Variants in LRRC4C observed in about 807,000 individuals in gnomAD.
LRRC4C encodes the protein leucine rich repeat containing 4C, also known as leucine-rich repeat-containing protein 4C.
A neutral mutation model predicts 33.6 loss-of-function variants in LRRC4C; 5 were observed. That is an observed-to-expected ratio of 0.15 (90% CI 0.08 to 0.31). The LOEUF (loss-of-function observed/expected upper bound fraction) is 0.31. Among genes scored for constraint, LRRC4C ranks in the 10% least tolerant of loss-of-function variants. LRRC4C has a pLI of 1.00. For synonymous variants in LRRC4C, 329 were observed against 302.0 expected (o/e 1.09, Z -0.93); for missense variants, 560 against 796.7 (o/e 0.70, Z 3.58).
At position 41,167,240 on chromosome 11, in the gene LRRC4C, G is replaced by C. The variant is rs552187569; in HGVS notation, c.-495-233517C>G. On this transcript the variant is annotated intron_variant, in intron 1 of 6. Transcript: ENST00000528697. The stretch of plus-strand genomic sequence containing the variant: ...AGTGTAGAAGGTTGCTGGTATGCTT[G>C]AGTTGAAAACAAAACACTTTCCCAG... 3.0e-4 allele frequency among the ~76,000 whole-genome samples: 46 copies of C among 152,206 alleles called. No individual in the cohort carries two copies. In the South Asian group the frequency reaches 7.5e-3, roughly 25 times the overall value.
rs559255358 is a variant in LRRC4C at position 40,393,778 on chromosome 11, T to C, written c.-269-74057A>G. Among the ~76,000 whole-genome samples, 8 of 152,262 alleles carry C rather than the reference T, an allele frequency of 5.3e-5. No homozygotes were observed. The East Asian group carries it at 1.5e-3, about 29-fold the overall frequency. The stretch of plus-strand genomic sequence containing the variant: ...CACAAACAATTGGAATTACATGACA[T>C]CAGGGCTATGCCTTTTGTCCCCTAA... On this transcript the variant is annotated intron_variant, in intron 3 of 6. Coordinates refer to ENST00000528697, the MANE Select transcript of LRRC4C (RefSeq NM_001258419.2).
chr11:40,780,840 A>G (rs982679978), intron 2 of LRRC4C, among the ~76,000 whole-genome samples: 13 of 151,922 alleles, frequency 8.6e-5, no homozygotes, highest in African/African-American at 3.1e-4. Context: ...TTGCCAGGAG[A>G]ATCTTATGCA....
At chr11:40,453,665 A>C (rs985145073) in intron 3 of LRRC4C, among the ~76,000 whole-genome samples, 1 of 152,040 alleles carries the variant, frequency 6.6e-6, no homozygotes, top group African/African-American at 2.4e-5. Context: ...TAAAGATATA[A>C]AAATTATCAG....
At chr11:40,687,768 C>T (rs547836133) in intron 2 of LRRC4C, among the ~76,000 whole-genome samples, 4 of 151,982 alleles carry the variant, frequency 2.6e-5, no homozygotes, top group Non-Finnish European at 5.9e-5. Context: ...AGGGCTAAAA[C>T]CTAAATTTCC....
At chr11:41,447,776 A>G (rs1339316566) in intron 1 of LRRC4C, among the ~76,000 whole-genome samples, 1 of 152,216 alleles carries the variant, frequency 6.6e-6, no homozygotes, top group East Asian at 1.9e-4. Flanking sequence ...AACATAAAAT[A>G]GTTACAATGA....
At chr11:41,406,088 G>C in intron 1 of LRRC4C, among the ~76,000 whole-genome samples, 1 of 139,042 alleles carries the variant, frequency 7.2e-6, no homozygotes. Context: ...GAGTAAAAAG[G>C]ATGAAAGAGA....
chr11:40,877,722 G>C (rs924001970), intron 2 of LRRC4C, among the ~76,000 whole-genome samples: 1 of 152,094 alleles, frequency 6.6e-6, no homozygotes, highest in African/African-American at 2.4e-5. Context: ...TTGACGAAGT[G>C]GTGGCCTTCA....
At chr11:41,400,224 A>T (rs10501262) in intron 1 of LRRC4C, among the ~76,000 whole-genome samples, 2 of 151,760 alleles carry the variant, frequency 1.3e-5, no homozygotes, top group Non-Finnish European at 2.9e-5. Context: ...TGTGCATAGG[A>T]ATAACTCCTG....
In LRRC4C at chr11:40,418,582, C is replaced by G. The variant is rs1045299718; in HGVS notation, c.-269-98861G>C. Among the ~76,000 whole-genome samples, 6 of 152,292 alleles carry G rather than the reference C, an allele frequency of 3.9e-5. No homozygotes were observed. The East Asian group carries it at 1.2e-3, about 29-fold the overall frequency. On this transcript the variant is annotated intron_variant, in intron 3 of 6. Transcript: ENST00000528697. Reference sequence around the variant, plus strand: ...CCTCAAAGACCTAGAACCGGAAATACCATTTTAGCCAGCAATCCCATTACT... The same window carrying G: ...CCTCAAAGACCTAGAACCGGAAATAGCATTTTAGCCAGCAATCCCATTACT...
At chr11:40,470,867 A>G (rs1235880355) in intron 3 of LRRC4C, among the ~76,000 whole-genome samples, 1 of 152,228 alleles carries the variant, frequency 6.6e-6, no homozygotes, top group Non-Finnish European at 1.5e-5. Context: ...CAAAGCCTCC[A>G]AGAAGTATGG....
At chr11:40,300,809 T>G (rs1944738687) in intron 4 of LRRC4C, among the ~76,000 whole-genome samples, 2 of 152,236 alleles carry the variant, frequency 1.3e-5, no homozygotes, top group Admixed American at 1.3e-4. Context: ...TGTGAAGTTT[T>G]TATTTCTTAA....
intron 1 of LRRC4C, among the ~76,000 whole-genome samples, chr11:41,090,534 A>C (rs1940337214): frequency 6.6e-6 from 1 of 152,156 alleles, no homozygotes; most frequent in African/African-American, 2.4e-5. Flanking sequence ...AAACTTACCC[A>C]AATGAATTTT....
intron 3 of LRRC4C, among the ~76,000 whole-genome samples, chr11:40,509,458 T>C (rs1384450975): frequency 6.6e-6 from 1 of 152,138 alleles, no homozygotes; most frequent in Admixed American, 6.5e-5. Flanking sequence ...GTAAAGCCCT[T>C]AAGATTTTAC....
chr11:40,681,696 T>C (rs1944697768), intron 2 of LRRC4C, among the ~76,000 whole-genome samples: 2 of 152,094 alleles, frequency 1.3e-5, no homozygotes, highest in Non-Finnish European at 2.9e-5. Context: ...GCCCCGGAGT[T>C]TGAGACCAGC....
intron 1 of LRRC4C, among the ~76,000 whole-genome samples, chr11:41,191,273 A>T (rs1488318638): frequency 6.6e-6 from 1 of 152,164 alleles, no homozygotes; most frequent in Non-Finnish European, 1.5e-5. Context: ...AGCAAAGATA[A>T]TCTACATCAA....
chr11:41,353,511 A>G (rs1038252079), intron 1 of LRRC4C, among the ~76,000 whole-genome samples: 1 of 152,168 alleles, frequency 6.6e-6, no homozygotes, highest in African/African-American at 2.4e-5. Context: ...ACTACTCCCT[A>G]ACTCATTCTG....
At chr11:41,439,805 G>T (rs1215855710) in intron 1 of LRRC4C, among the ~76,000 whole-genome samples, 1 of 152,160 alleles carries the variant, frequency 6.6e-6, no homozygotes, top group Non-Finnish European at 1.5e-5. Flanking sequence ...TCTCTGAAAG[G>T]AATAGGGTTT....
chr11:41,113,682 C>A (rs1391511083), intron 1 of LRRC4C, among the ~76,000 whole-genome samples: 1 of 152,086 alleles, frequency 6.6e-6, no homozygotes, highest in East Asian at 1.9e-4. Flanking sequence ...CTTTGGCCCA[C>A]TGAAATCAGC....
Position 40,664,103 on chromosome 11 carries a change from G to T in LRRC4C, c.-406-15825C>A, listed in dbSNP as rs1255840252. Among the ~76,000 whole-genome samples the T allele has an allele frequency of 9.2e-5, 14 of 152,076 alleles. 1 individual carries two copies. The highest frequency in any genetic ancestry group is 5.9e-4 in the Admixed American group (9 of 15,262). ...CTCAATTATTTCTGCATACATAGGA[G>T]AAATTATACTTGATATTATAAAATA... On this transcript the variant is annotated intron_variant, in intron 2 of 6. Coordinates refer to ENST00000528697, the MANE Select transcript of LRRC4C (RefSeq NM_001258419.2).
Sources: allele counts gnomAD v4.1 joint callset (sites outside exome capture counted in the v4.1 genomes callset), GRCh38; gene constraint gnomAD v4.1.1; transcripts MANE v1.5; gene names NCBI Gene and HGNC (gene_info 2026-07-23, HGNC 2026-07-21).